Variants in ARHGEF9 observed in about 807,000 individuals in gnomAD.
The protein encoded by ARHGEF9 is rho guanine nucleotide exchange factor 9.
A neutral mutation model predicts 41.3 loss-of-function variants in ARHGEF9; 2 were observed. That is an observed-to-expected ratio of 0.05 (90% CI 0.02 to 0.15). The LOEUF is 0.15. Ranked by LOEUF, ARHGEF9 falls within the 10% of genes least tolerant of loss-of-function variation. ARHGEF9 has a pLI of 1.00. For synonymous variants in ARHGEF9, 160 were observed against 154.4 expected, an observed-to-expected ratio of 1.04 and a Z score of -0.27; for missense variants, 225 against 424.7, an observed-to-expected ratio of 0.53 and a Z score of 4.13.
intron 1 of ARHGEF9, among the ~76,000 whole-genome samples, chrX:63,761,155 G>A (rs2056027019): frequency 9.0e-6 from 1 of 111,246 alleles, no homozygotes; most frequent in Non-Finnish European, 1.9e-5. Flanking sequence ...CCTTTGGCAA[G>A]GCTGTTGAAG....
intron 6 of ARHGEF9, among the ~76,000 whole-genome samples, chrX:63,666,683 C>T (rs781834473): frequency 9.1e-6 from 1 of 110,083 alleles, no homozygotes; most frequent in South Asian, 4.0e-4. Flanking sequence ...GAACCCACTC[C>T]CCTCTTATAA....
At chrX:63,752,489 T>C (rs1210469180) in intron 1 of ARHGEF9, among the ~76,000 whole-genome samples, 1 of 111,706 alleles carries the variant, frequency 9.0e-6, no homozygotes, top group African/African-American at 3.3e-5. Context: ...CTTTAAATAA[T>C]ACAATGAAGC....
At chrX:63,759,413 C>T (rs782136318) in intron 1 of ARHGEF9, among the ~76,000 whole-genome samples, 1 of 111,431 alleles carries the variant, frequency 9.0e-6, no homozygotes, top group South Asian at 3.9e-4. Flanking sequence ...TGCAACATCC[C>T]CACTAATTGG....
intron 3 of ARHGEF9, among the ~76,000 whole-genome samples, chrX:63,700,867 A>G (rs2052111372): frequency 9.0e-6 from 1 of 111,597 alleles, no homozygotes; most frequent in African/African-American, 3.3e-5. Flanking sequence ...AACAGGGAAC[A>G]GGGTACTATG....
rs2047319434 is a variant in ARHGEF9 at position 63,636,491 on chromosome X, G to A, written c.*1537C>T. The A allele has an allele frequency of 1.6e-5, 2 of 127,824 alleles. No individual in the cohort carries two copies. Among genetic ancestry groups the A allele is most frequent in the East Asian group, 4.3e-4 (2 of 4,616 alleles). 10.5% of individuals were successfully genotyped at this position (127,824 alleles called of 1,213,427 possible). A position where few individuals can be genotyped will look rare whatever the true frequency, so the allele number is the denominator to read the frequency against. On this transcript the variant is annotated 3_prime_UTR_variant, in exon 10 of 10. Coordinates refer to ENST00000671741, the MANE Select transcript of ARHGEF9 (RefSeq NM_001353921.2). ...ATCCCTGCCTCAGACACGTTATTCAGAGGGAAAATTGCCCCTGGGCCCCTA... is the reference window on the plus strand; with the variant it reads ...ATCCCTGCCTCAGACACGTTATTCAAAGGGAAAATTGCCCCTGGGCCCCTA...
chrX:63,645,823 G>A (rs1556313107), intron 8 of ARHGEF9, among the ~76,000 whole-genome samples: 1 of 111,898 alleles, frequency 8.9e-6, no homozygotes, highest in South Asian at 3.8e-4. Flanking sequence ...CACAATGGTT[G>A]AACTAGTTTA....
At chrX:63,736,150 G>A (rs2054606507) in intron 1 of ARHGEF9, among the ~76,000 whole-genome samples, 1 of 111,776 alleles carries the variant, frequency 8.9e-6, no homozygotes, top group African/African-American at 3.3e-5. Flanking sequence ...TAGCCAGAGG[G>A]ATACAACGAC....
chrX:63,724,882 A>C, intron 1 of ARHGEF9, 171 bp from the exon 2 acceptor site: 1 of 481,471 alleles, frequency 2.1e-6, no homozygotes, highest in Non-Finnish European at 3.6e-6. Context: ...CAAGACAAAC[A>C]ATACTGTCAA....
In ARHGEF9 at chrX:63,753,543, GT is replaced by G. The variant is rs536776847; in HGVS notation, c.31-28833del. ...AGAGCTGTTTTTTCTTTCTTGTGGG[GT>G]TTTTTTTTTTTTTTGATGAGACAAA... On this transcript the variant is annotated intron_variant, in intron 1 of 9. Coordinates refer to ENST00000671741, the MANE Select transcript of ARHGEF9 (RefSeq NM_001353921.2). Among the ~76,000 whole-genome samples the G allele has an allele frequency of 7.1e-3, 682 of 96,243 alleles. 3 individuals are homozygous for G. The highest frequency in any genetic ancestry group is 0.05 in the South Asian group (107 of 2,120). 83.6% of individuals were successfully genotyped at this position (96,243 alleles called of 115,157 possible).
chrX:63,784,244 G>A (rs1556463964), intron 1 of ARHGEF9, among the ~76,000 whole-genome samples: 1 of 112,070 alleles, frequency 8.9e-6, no homozygotes, highest in African/African-American at 3.2e-5. Flanking sequence ...CCACTCCCCA[G>A]AGGCCCTAAC....
chrX:63,665,853 C>A, intron 7 of ARHGEF9, 33 bp downstream of exon 7: 1 of 1,204,970 alleles, frequency 8.3e-7, no homozygotes, highest in Non-Finnish European at 1.1e-6. Context: ...GTTAGGTACC[C>A]ATCTCCCTCA....
chrX:63,732,248 C>A (rs1367419796), intron 1 of ARHGEF9: 1 of 111,546 alleles, frequency 9.0e-6, no homozygotes, highest in Non-Finnish European at 1.9e-5. Flanking sequence ...TCAGTTCTCG[C>A]TCACCTCCAG....
intron 4 of ARHGEF9, among the ~76,000 whole-genome samples, chrX:63,696,055 T>A (rs2051726576): frequency 9.0e-6 from 1 of 111,561 alleles, no homozygotes. Context: ...CGAATCATTT[T>A]GCTATAATAA....
intron 8 of ARHGEF9, among the ~76,000 whole-genome samples, chrX:63,652,514 T>A (rs1193953734): frequency 3.6e-5 from 4 of 111,513 alleles, no homozygotes; most frequent in Admixed American, 2.9e-4. Flanking sequence ...ATAAGGGATT[T>A]GAGCATCCAT....
At chrX:63,708,262 A>T (rs1256180311) in intron 2 of ARHGEF9, among the ~76,000 whole-genome samples, 1 of 112,391 alleles carries the variant, frequency 8.9e-6, no homozygotes, top group African/African-American at 3.2e-5. Flanking sequence ...AAAGCAAGCT[A>T]AACTCTGCTA....
chrX:63,751,323 G>A (rs1458972816), intron 1 of ARHGEF9, among the ~76,000 whole-genome samples: 3 of 111,306 alleles, frequency 2.7e-5, no homozygotes, highest in Admixed American at 9.5e-5. Context: ...TAAGAGAGAA[G>A]GCAGAGGAGG....
intron 2 of ARHGEF9, among the ~76,000 whole-genome samples, chrX:63,711,750 T>C (rs1220312918): frequency 2.7e-5 from 3 of 111,981 alleles, no homozygotes; most frequent in Non-Finnish European, 5.7e-5. Flanking sequence ...GTTTCTTAGA[T>C]ATGACACCTA....
At chrX:63,776,305 A>T (rs1161216394) in intron 1 of ARHGEF9, among the ~76,000 whole-genome samples, 2 of 110,421 alleles carry the variant, frequency 1.8e-5, no homozygotes, top group African/African-American at 3.3e-5. Flanking sequence ...CAAATACTGA[A>T]TTTTTTAAGC....
chrX:63,666,213 T>C (rs1322308502), intron 6 of ARHGEF9, among the ~76,000 whole-genome samples, 196 bp from the exon 7 acceptor site: 1 of 107,999 alleles, frequency 9.3e-6, no homozygotes, highest in East Asian at 3.0e-4. Context: ...ACCCATTTTC[T>C]TATTCACCCC....
Sources: allele counts gnomAD v4.1 joint callset (sites outside exome capture counted in the v4.1 genomes callset), GRCh38; gene constraint gnomAD v4.1.1; transcripts MANE v1.5; gene names NCBI Gene and HGNC (gene_info 2026-07-23, HGNC 2026-07-21).